TRIP12: variants seen among roughly 807,000 people sequenced by gnomAD.
TRIP12 encodes E3 ubiquitin-protein ligase TRIP12.
TRIP12 carries 25 observed loss-of-function variants against 244.2 expected under a neutral mutation model. That is an observed-to-expected ratio of 0.10 (90% CI 0.07 to 0.14). The LOEUF is 0.14. Ranked by LOEUF, TRIP12 falls within the 10% of genes least tolerant of loss-of-function variation. TRIP12 has a pLI of 1.00. For missense variants in TRIP12, 1,677 were observed against 2,486.4 expected (o/e 0.67, Z 6.92); for synonymous variants, 905 against 873.1 (o/e 1.04, Z -0.64).
chr2:229,890,709 A>C (rs958282185), intron 1 of TRIP12, among the ~76,000 whole-genome samples: 1 of 152,224 alleles, frequency 6.6e-6, no homozygotes, highest in Admixed American at 6.5e-5. Flanking sequence ...ATTTCAGAGT[A>C]ATTATACCTA....
At chr2:229,867,150 T>C (rs1234910030) in intron 2 of TRIP12, among the ~76,000 whole-genome samples, 1 of 98,322 alleles carries the variant, frequency 1.0e-5, no homozygotes, top group African/African-American at 3.6e-5. Flanking sequence ...ACAGGGAAGG[T>C]TTTTTTTTGT....
chr2:229,839,650 G>A (rs527853717), intron 5 of TRIP12, among the ~76,000 whole-genome samples: 3 of 151,334 alleles, frequency 2.0e-5, no homozygotes, highest in African/African-American at 7.3e-5. Context: ...TTGCACTCCA[G>A]CCTGGGCGAC....
Position 229,893,796 on chromosome 2 carries a change from T to G in TRIP12, c.-49-13668A>C, listed in dbSNP as rs74902780. ...ATGCTTTCATCTCTTTTGAGCAGAA[T>G]TAACTAAGAGTAGAATCACTAGATC... On this transcript the variant is annotated intron_variant, in intron 1 of 41. Coordinates refer to ENST00000675903, the MANE Select transcript of TRIP12 (RefSeq NM_001348323.3). 4.7e-4 allele frequency among the ~76,000 whole-genome samples: 71 copies of G among 152,320 alleles called. No individual in the cohort carries two copies. In the East Asian group the frequency reaches 0.013, roughly 27 times the overall value.
intron 4 of TRIP12, among the ~76,000 whole-genome samples, chr2:229,847,616 A>G (rs183506467): frequency 6.6e-6 from 1 of 152,346 alleles, no homozygotes; most frequent in Non-Finnish European, 1.5e-5. Context: ...GGAAGTCCAG[A>G]AAGCTGAAAG....
Position 229,766,162 on chromosome 2 carries a change from T to C in TRIP12, c.*1392A>G, listed in dbSNP as rs1455494827. On this transcript the variant is annotated 3_prime_UTR_variant, in exon 42 of 42. Transcript: ENST00000675903. ...TTTCAAGGAGATGAATTATGGAAAATTCCTTCAAATTTATGCCACAGGCCT... is the reference window on the plus strand; with the variant it reads ...TTTCAAGGAGATGAATTATGGAAAACTCCTTCAAATTTATGCCACAGGCCT... 2 of 152,030 alleles carry C rather than the reference T, an allele frequency of 1.3e-5. No homozygotes were observed. The highest frequency in any genetic ancestry group is 6.5e-5 in the Admixed American group (1 of 15,268). The allele number at this position is 152,030 out of a possible 1,614,324, so 9.4% of individuals were successfully genotyped here. A position where few individuals can be genotyped will look rare whatever the true frequency, so the allele number is the denominator to read the frequency against.
chr2:229,832,160 A>T (rs75443641), intron 6 of TRIP12, among the ~76,000 whole-genome samples: 1 of 150,332 alleles, frequency 6.7e-6, no homozygotes, highest in East Asian at 1.9e-4. Flanking sequence ...TATTGGGATT[A>T]AAAAAAAAAT....
intron 6 of TRIP12, among the ~76,000 whole-genome samples, chr2:229,833,148 T>C (rs1360648574): frequency 2.0e-5 from 3 of 152,208 alleles, no homozygotes; most frequent in Non-Finnish European, 2.9e-5. Context: ...CTAACGACTT[T>C]CATAATGAAT....
At chr2:229,785,413 C>G (rs1018074204) in intron 34 of TRIP12, among the ~76,000 whole-genome samples, 4 of 152,184 alleles carry the variant, frequency 2.6e-5, no homozygotes, top group African/African-American at 9.7e-5. Context: ...AACTACAAAA[C>G]TACATTTTTG....
chr2:229,785,198 A>G (rs1475279620), intron 34 of TRIP12, among the ~76,000 whole-genome samples: 1 of 152,250 alleles, frequency 6.6e-6, no homozygotes. Flanking sequence ...CAAAGGCTAC[A>G]TACTGCATGA....
At chr2:229,851,415 G>C (rs1463787723) in intron 4 of TRIP12, among the ~76,000 whole-genome samples, 1 of 152,068 alleles carries the variant, frequency 6.6e-6, no homozygotes, top group Admixed American at 6.6e-5. Flanking sequence ...TTAGTGTCTA[G>C]CTCAGGGATT....
chr2:229,796,228 A>C (rs1274216273), intron 25 of TRIP12, among the ~76,000 whole-genome samples: 3 of 152,232 alleles, frequency 2.0e-5, no homozygotes, highest in Admixed American at 2.0e-4. Context: ...CCTCTATCTT[A>C]TTATAGATGT....
intron 1 of TRIP12, among the ~76,000 whole-genome samples, chr2:229,912,560 T>C (rs182721207): frequency 8.5e-5 from 13 of 152,286 alleles, no homozygotes; most frequent in Non-Finnish European, 1.5e-4. Context: ...CATTCTTCTA[T>C]ATCTTCCTCC....
chr2:229,837,794 T>G (rs991885666), intron 5 of TRIP12, among the ~76,000 whole-genome samples: 1 of 152,184 alleles, frequency 6.6e-6, no homozygotes, highest in African/African-American at 2.4e-5. Flanking sequence ...TTAATATTAT[T>G]AATAAATACA....
At chr2:229,818,664 A>G (rs1469788557) in intron 8 of TRIP12, 152 bp from the exon 9 acceptor site, 1 of 664,962 alleles carries the variant, frequency 1.5e-6, no homozygotes, top group Non-Finnish European at 2.5e-6. Flanking sequence ...CTGCTAATAC[A>G]TTGAAGGAAG....
At chr2:229,782,188 A>G (rs1266028981) in intron 34 of TRIP12, among the ~76,000 whole-genome samples, 2 of 152,040 alleles carry the variant, frequency 1.3e-5, no homozygotes, top group African/African-American at 4.8e-5. Context: ...ACATATAAGA[A>G]TCGCATCCTC....
chr2:229,858,300 T>TTGCAGTGAGCCGAGAC (rs2059950615), intron 4 of TRIP12, among the ~76,000 whole-genome samples: 1 of 152,186 alleles, frequency 6.6e-6, no homozygotes, highest in East Asian at 1.9e-4. Flanking sequence ...GAGGCGGAGG[T>TTGCAGTGAGCCGAGAC]TGCAGTGAGC....
Position 229,802,351 on chromosome 2 carries a change from C to A in TRIP12, c.3107G>T (p.Ser1036Ile). 6.2e-7 allele frequency: 1 copy of A among 1,613,862 alleles called. No individual in the cohort carries two copies. The change falls in exon 21 of 42, where the codon AGC becomes ATC. Residue 1036 changes from serine (S) to isoleucine (I), a missense_variant. Coordinates refer to ENST00000675903, the MANE Select transcript of TRIP12 (RefSeq NM_001348323.3). ...SGSMGSTTSV[S>I]SGTATAATHA... is the part of the protein sequence containing the mutation. ...AGTGGCAGCTGTGGCTGTCCCACTGCTGACTGAAGTTGTGGATCCCATGGA... is the reference window on the plus strand; with the variant it reads ...AGTGGCAGCTGTGGCTGTCCCACTGATGACTGAAGTTGTGGATCCCATGGA...
intron 1 of TRIP12, among the ~76,000 whole-genome samples, chr2:229,898,770 T>C (rs1218156628): frequency 6.6e-6 from 1 of 152,184 alleles, no homozygotes; most frequent in Admixed American, 6.5e-5. Flanking sequence ...AAGCTCACTA[T>C]AACCTCCACC....
chr2:229,807,970 C>A, intron 16 of TRIP12, 106 bp from the exon 17 acceptor site: 3 of 1,273,150 alleles, frequency 2.4e-6, no homozygotes, highest in Non-Finnish European at 3.2e-6. Flanking sequence ...GTATTTAGAC[C>A]AATTTTTTTT....
Sources: allele counts gnomAD v4.1 joint callset (sites outside exome capture counted in the v4.1 genomes callset), GRCh38; gene constraint gnomAD v4.1.1; transcripts MANE v1.5; gene names NCBI Gene and HGNC (gene_info 2026-07-23, HGNC 2026-07-21).